MROH7: variants seen among roughly 807,000 people sequenced by gnomAD.
The protein encoded by MROH7 is maestro heat like repeat family member 7.
MROH7 carries 113 observed loss-of-function variants against 129.2 expected under a neutral mutation model. The observed-to-expected ratio is 0.87, with a 90% CI of 0.75 to 1.02. MROH7 has a LOEUF of 1.02. Among genes scored for constraint, MROH7 ranks in the 50% least tolerant of loss-of-function variants. The pLI, the probability that MROH7 is intolerant of heterozygous loss-of-function variation, is 0.00. For synonymous variants in MROH7, 655 were observed against 667.9 expected (o/e 0.98, Z 0.30); for missense variants, 1,601 against 1,671.3 (o/e 0.96, Z 0.73).
At chr1:54,689,019 G>T (rs780905009) in intron 15 of MROH7, among the ~76,000 whole-genome samples, 1 of 152,190 alleles carries the variant, frequency 6.6e-6, no homozygotes, top group Admixed American at 6.5e-5. Context: ...CAGGCTGAAG[G>T]GGGGCCAGAA....
chr1:54,669,119 A>G (rs1644857006), intron 5 of MROH7, among the ~76,000 whole-genome samples, 182 bp downstream of exon 5: 1 of 152,010 alleles, frequency 6.6e-6, no homozygotes, highest in Admixed American at 6.6e-5. Context: ...ACACAGAGGG[A>G]GCTCAGGCAA....
intron 4 of MROH7, among the ~76,000 whole-genome samples, chr1:54,666,413 G>A (rs1022742337): frequency 2.0e-5 from 3 of 148,720 alleles, no homozygotes; most frequent in African/African-American, 7.5e-5. Context: ...TATAGGAGGC[G>A]GGAGAAGAGG....
chr1:54,706,447 C>G lies in MROH7; in HGVS notation c.3577C>G (p.Arg1193Gly). 6.2e-7 allele frequency: 1 copy of G among 1,613,476 alleles called. No individual in the cohort carries two copies. The highest frequency in any genetic ancestry group is 8.5e-7 in the Non-Finnish European group (1 of 1,179,790). The change falls in exon 22 of 24, where the codon CGA becomes GGA. Residue 1193 changes from arginine to glycine, a missense_variant. Coordinates refer to ENST00000421030, the MANE Select transcript of MROH7 (RefSeq NM_001039464.4). ...KICKCLVNTH[R>G]DSAFIFLSQS... ...CTCTTTGTCCTAGGTGAACACCCAC[C>G]GAGACAGCGCCTTCATATTCCTCAG...
chr1:54,709,827 T>C (rs1570013410), intron 23 of MROH7, 119 bp from the exon 24 acceptor site: 1 of 1,191,634 alleles, frequency 8.4e-7, no homozygotes, highest in Non-Finnish European at 1.2e-6. Flanking sequence ...GAAAGTGAGA[T>C]GAGGGGATGC....
At chr1:54,672,215 A>T (rs1644913410) in intron 7 of MROH7, among the ~76,000 whole-genome samples, 1 of 151,832 alleles carries the variant, frequency 6.6e-6, no homozygotes, top group Non-Finnish European at 1.5e-5. Context: ...AGCAGAGGAC[A>T]GTGCTGCATA....
intron 7 of MROH7, among the ~76,000 whole-genome samples, chr1:54,672,544 G>A (rs535455337): frequency 1.2e-4 from 19 of 152,224 alleles, no homozygotes; most frequent in South Asian, 1.2e-3. Flanking sequence ...TCCTTAAGGG[G>A]CAACTTGGAA....
At chr1:54,642,664 G>T (rs1334009575) in intron 1 of MROH7, among the ~76,000 whole-genome samples, 1 of 152,166 alleles carries the variant, frequency 6.6e-6, no homozygotes, top group African/African-American at 2.4e-5. Flanking sequence ...CACCCAGACT[G>T]TAGTGCAGTG....
Position 54,682,669 on chromosome 1 carries a change from A to T in MROH7, c.2395A>T (p.Met799Leu). 6.2e-7 allele frequency: 1 copy of T among 1,613,524 alleles called. No individual in the cohort carries two copies. Among genetic ancestry groups the T allele is most frequent in the Non-Finnish European group, 8.5e-7 (1 of 1,179,736 alleles). The change falls in exon 14 of 24, where the codon ATG becomes TTG. Residue 799 changes from methionine to leucine, a missense_variant. Met to Leu is a conservative substitution (Grantham distance 15). Coordinates refer to ENST00000421030, the MANE Select transcript of MROH7 (RefSeq NM_001039464.4). The stretch of plus-strand genomic sequence containing the variant: ...CTGACCTCTCAGCAATGGAGCAGAG[A>T]TGTGGAGGCAGCTGATACTGTGTAA... ...PLPLNSNGAE[M>L]WRQLILCKPS...
chr1:54,694,884 T>C (rs537476199), intron 16 of MROH7, among the ~76,000 whole-genome samples: 2 of 152,278 alleles, frequency 1.3e-5, no homozygotes, highest in East Asian at 1.9e-4. Flanking sequence ...GAGCCCTCGG[T>C]TGGGGCTCCA....
intron 15 of MROH7, 52 bp from the exon 16 acceptor site, chr1:54,692,372 G>C: frequency 6.2e-7 from 1 of 1,602,840 alleles, no homozygotes; most frequent in Non-Finnish European, 8.5e-7. Flanking sequence ...AGGGAGGCTT[G>C]GCCTGCTAGG....
intron 15 of MROH7, among the ~76,000 whole-genome samples, chr1:54,688,752 T>G (rs1440727129): frequency 6.6e-6 from 1 of 152,100 alleles, no homozygotes; most frequent in African/African-American, 2.4e-5. Flanking sequence ...GGTGCCGCCC[T>G]GAGAGCATTG....
rs772090883 is a variant in MROH7 at position 54,702,275 on chromosome 1, C to A, written c.3441+30C>A. ...GTGTGCGTGGGCCCTGCACCCTCTA[C>A]CCCTCCCTCGGGTCCTGTGGGCGCA... On this transcript the variant is annotated intron_variant, in intron 20 of 23. Coordinates refer to ENST00000421030, the MANE Select transcript of MROH7 (RefSeq NM_001039464.4). 7.9e-6 allele frequency: 11 copies of A among 1,400,504 alleles called. No homozygotes were observed. The Admixed American group carries it at 1.8e-4, about 23-fold the overall frequency. The allele number at this position is 1,400,504 out of a possible 1,614,324, so 86.8% of individuals were successfully genotyped here.
chr1:54,642,862 G>A (rs1319218501), intron 1 of MROH7, among the ~76,000 whole-genome samples: 1 of 152,150 alleles, frequency 6.6e-6, no homozygotes, highest in African/African-American at 2.4e-5. Flanking sequence ...GAATCCTCTT[G>A]CCTCAGCTTC....
In MROH7 at chr1:54,670,547, G is replaced by A. The variant is rs1396254020; in HGVS notation, c.1440G>A (p.Lys480=). The A allele has an allele frequency of 6.2e-7, 1 of 1,613,834 alleles. No individual in the cohort carries two copies. ...PLDSLSSSVR[K]QAMEILTQLS... ...ATTCTCTCTCAAGCTCCGTCCGCAA[G>A]CAGGCCATGGAGATCCTGACCCAGC... is the stretch of plus-strand genomic sequence containing the variant. The change falls in exon 6 of 24, where the codon AAG becomes AAA. Residue 480 remains lysine (K), a synonymous_variant. Transcript: ENST00000421030.
intron 13 of MROH7, 33 bp from the exon 14 acceptor site, chr1:54,682,623 C>T (rs758109254): frequency 1.3e-6 from 2 of 1,596,762 alleles, no homozygotes; most frequent in South Asian, 2.2e-5. Context: ...CTGCCTTGGC[C>T]ACCACTAATT....
At chr1:54,691,238 T>C (rs967001999) in intron 15 of MROH7, among the ~76,000 whole-genome samples, 12 of 152,168 alleles carry the variant, frequency 7.9e-5, no homozygotes, top group Admixed American at 7.2e-4. Context: ...AGCACAGAGG[T>C]TGAATGATTC....
chr1:54,679,490 C>A, intron 12 of MROH7, 51 bp downstream of exon 12: 2 of 1,561,760 alleles, frequency 1.3e-6, no homozygotes, highest in South Asian at 2.3e-5. Flanking sequence ...CTCGGGAGCT[C>A]CCCCCATGGC....
chr1:54,682,225 C>T (rs1444926099), intron 13 of MROH7, among the ~76,000 whole-genome samples: 8 of 146,922 alleles, frequency 5.4e-5, no homozygotes, highest in African/African-American at 7.6e-5. Flanking sequence ...GCACTGCTGG[C>T]GTGATCTTGG....
chr1:54,657,004 T>C (rs936092162), intron 3 of MROH7, among the ~76,000 whole-genome samples: 3 of 150,706 alleles, frequency 2.0e-5, no homozygotes, highest in Non-Finnish European at 4.4e-5. Context: ...TTGAGCAACA[T>C]AGCAAGACTC....
Sources: gnomAD v4.1 joint callset for allele counts (sites outside exome capture counted in the v4.1 genomes callset) on GRCh38, gnomAD v4.1.1 for gene constraint, MANE v1.5 for transcripts, NCBI Gene and HGNC (gene_info 2026-07-23, HGNC 2026-07-21) for gene names.